The following MAP2 variants were observed in gnomAD, a reference collection of about 807,000 sequenced individuals.
The protein encoded by MAP2 is microtubule associated protein 2, also known as microtubule-associated protein 2.
A neutral mutation model predicts 137.6 loss-of-function variants in MAP2; 14 were observed. That is an observed-to-expected ratio of 0.10 (90% CI 0.07 to 0.16). The LOEUF (loss-of-function observed/expected upper bound fraction) is 0.16. Ranked by LOEUF, MAP2 falls within the 10% of genes least tolerant of loss-of-function variation. MAP2 has a pLI of 1.00. For missense variants in MAP2, 2,088 were observed against 2,191.5 expected (o/e 0.95, Z 0.94); for synonymous variants, 786 against 782.3 (o/e 1.00, Z -0.08).
chr2:209,541,988 A>G (rs1007410780), intron 2 of MAP2, among the ~76,000 whole-genome samples: 1 of 152,228 alleles, frequency 6.6e-6, no homozygotes, highest in Admixed American at 6.5e-5. Context: ...ATTTTTCCAG[A>G]AAGTTTTCAG....
At chr2:209,531,307 C>T (rs1249052727) in intron 2 of MAP2, among the ~76,000 whole-genome samples, 1 of 152,060 alleles carries the variant, frequency 6.6e-6, no homozygotes, top group Non-Finnish European at 1.5e-5. Flanking sequence ...TATTCCATGT[C>T]GTCAAATATC....
Position 209,692,864 on chromosome 2 carries a change from G to T in MAP2, c.694G>T (p.Ala232Ser). 6.2e-7 allele frequency: 1 copy of T among 1,613,842 alleles called. No individual in the cohort carries two copies. Among genetic ancestry groups the T allele is most frequent in the Non-Finnish European group, 8.5e-7 (1 of 1,179,920 alleles). The change falls in exon 8 of 16, where the codon GCC becomes TCC. Residue 232 changes from alanine to serine, a missense_variant. Transcript: ENST00000682079. ...PLALFGHTLV[A>S]SLEDMKQKTE... ...AGCTTTGTTTGGGCACACTCTTGTTGCCAGCCTGGAAGACATGAAACAGAA... is the reference window on the plus strand; with the variant it reads ...AGCTTTGTTTGGGCACACTCTTGTTTCCAGCCTGGAAGACATGAAACAGAA...
chr2:209,521,218 T>A (rs905643212), intron 2 of MAP2, among the ~76,000 whole-genome samples: 2 of 151,894 alleles, frequency 1.3e-5, no homozygotes, highest in African/African-American at 4.8e-5. Flanking sequence ...AAAGACACAG[T>A]CTTGCTCACT....
intron 13 of MAP2, chr2:209,710,556 T>G (rs2065090833): frequency 3.9e-6 from 1 of 255,714 alleles, no homozygotes; most frequent in African/African-American, 2.3e-5. Context: ...AACTTGAGAT[T>G]AAAGTTATAT....
At chr2:209,429,025 C>T (rs1418192141) in intron 1 of MAP2, among the ~76,000 whole-genome samples, 3 of 151,988 alleles carry the variant, frequency 2.0e-5, no homozygotes, top group African/African-American at 7.2e-5. Flanking sequence ...GCCATCTCGG[C>T]TCACTGCAAG....
At chr2:209,480,308 T>C (rs1433125190) in intron 1 of MAP2, among the ~76,000 whole-genome samples, 2 of 152,174 alleles carry the variant, frequency 1.3e-5, no homozygotes, top group African/African-American at 4.8e-5. Flanking sequence ...TAACTGGGAC[T>C]TTTTATTCCA....
chr2:209,508,843 C>T (rs1285969970), intron 2 of MAP2, among the ~76,000 whole-genome samples: 1 of 151,120 alleles, frequency 6.6e-6, no homozygotes, highest in Non-Finnish European at 1.5e-5. Context: ...ATTAAAGTTT[C>T]TCTTTTTTAT....
Position 209,694,280 on chromosome 2 carries a change from T to C in MAP2, c.2110T>C (p.Leu704=). ...AIEQRSMSIN[L]PMSCLDSIAL... ...AGAACAAAGAAGCATGTCAATCAAT[T>C]TGCCGATGTCTTGCCTAGATTCCAT... Residue 704 remains leucine, a synonymous_variant, in exon 8 of 16, where the codon TTG becomes CTG. Coordinates refer to ENST00000682079, the MANE Select transcript of MAP2 (RefSeq NM_001375505.1). The C allele has an allele frequency of 6.2e-7, 1 of 1,614,146 alleles. No individual in the cohort carries two copies. Among genetic ancestry groups the C allele is most frequent in the Non-Finnish European group, 8.5e-7 (1 of 1,180,028 alleles).
chr2:209,520,663 G>C (rs1014017864), intron 2 of MAP2, among the ~76,000 whole-genome samples: 1 of 151,948 alleles, frequency 6.6e-6, no homozygotes, highest in African/African-American at 2.4e-5. Context: ...TCTTCAGGCC[G>C]CTTAAGACCT....
chr2:209,681,921 G>C (rs13423127), intron 7 of MAP2, among the ~76,000 whole-genome samples: 31,905 of 151,634 alleles, frequency 0.21, 5,159 homozygotes, highest in African/African-American at 0.45. Flanking sequence ...TTTTAGCAAG[G>C]TTTTTCTTTC....
At chr2:209,498,943 G>A (rs765130824) in intron 1 of MAP2, among the ~76,000 whole-genome samples, 9 of 152,188 alleles carry the variant, frequency 5.9e-5, no homozygotes, top group Non-Finnish European at 1.2e-4. Flanking sequence ...AGTGTTTGGT[G>A]GGGTTTCATT....
At chr2:209,619,351 C>G (rs2090472148) in intron 3 of MAP2, among the ~76,000 whole-genome samples, 1 of 152,002 alleles carries the variant, frequency 6.6e-6, no homozygotes, top group Non-Finnish European at 1.5e-5. Context: ...AGCCATTCTA[C>G]AATGTATACA....
chr2:209,718,589 C>T (rs955431488), intron 13 of MAP2, among the ~76,000 whole-genome samples: 5 of 151,978 alleles, frequency 3.3e-5, no homozygotes, highest in Non-Finnish European at 4.4e-5. Flanking sequence ...CCAAATTCTT[C>T]AGCATTATCT....
intron 2 of MAP2, among the ~76,000 whole-genome samples, chr2:209,557,597 A>G (rs536286275): frequency 6.6e-6 from 1 of 152,336 alleles, no homozygotes; most frequent in African/African-American, 2.4e-5. Flanking sequence ...TACAAGTACC[A>G]GAATAGTCTG....
intron 1 of MAP2, among the ~76,000 whole-genome samples, chr2:209,459,199 C>G (rs7580512): frequency 8.6e-5 from 13 of 151,776 alleles, no homozygotes; most frequent in Non-Finnish European, 1.9e-4. Flanking sequence ...TATTAGCTCT[C>G]ATCTTGGGTA....
intron 3 of MAP2, among the ~76,000 whole-genome samples, chr2:209,620,210 C>T (rs1169563448): frequency 1.3e-5 from 2 of 152,176 alleles, no homozygotes; most frequent in African/African-American, 4.8e-5. Context: ...ACTATTTTTA[C>T]TGCCTTGAAT....
chr2:209,702,506 AT>A (rs34360891), intron 11 of MAP2, among the ~76,000 whole-genome samples: 3 of 151,410 alleles, frequency 2.0e-5, no homozygotes, highest in South Asian at 2.1e-4. Context: ...TAACTTAAAA[AT>A]TTTTTTTCTA....
intron 2 of MAP2, among the ~76,000 whole-genome samples, chr2:209,536,621 C>T (rs2065985367): frequency 6.6e-6 from 1 of 152,134 alleles, no homozygotes; most frequent in Non-Finnish European, 1.5e-5. Flanking sequence ...TGAACAGAAG[C>T]CTTGTCTGTG....
chr2:209,610,377 G>A (rs942478649), intron 3 of MAP2, among the ~76,000 whole-genome samples: 5 of 152,014 alleles, frequency 3.3e-5, no homozygotes, highest in Non-Finnish European at 7.4e-5. Flanking sequence ...TTTCTGAGGA[G>A]TATTGGACCA....
Sources: gnomAD v4.1 joint callset for allele counts (sites outside exome capture counted in the v4.1 genomes callset) on GRCh38, gnomAD v4.1.1 for gene constraint, MANE v1.5 for transcripts, NCBI Gene and HGNC (gene_info 2026-07-23, HGNC 2026-07-21) for gene names.